Variants in DLGAP2 observed in about 807,000 individuals in gnomAD.
The protein encoded by DLGAP2 is DLG associated protein 2.
Under a neutral mutation model 100.3 loss-of-function variants are expected in DLGAP2, and 26 were observed. The ratio of observed to expected loss-of-function variants is 0.26; its 90% CI spans 0.19 to 0.36. The LOEUF (loss-of-function observed/expected upper bound fraction) is 0.36, where lower values mean the gene tolerates loss of function less well. Among genes scored for constraint, DLGAP2 ranks in the 10% least tolerant of loss-of-function variants. DLGAP2 has a pLI of 1.00. For missense variants in DLGAP2, 1,858 were observed against 1,453.2 expected (o/e 1.28, Z -4.53); for synonymous variants, 886 against 630.1 (o/e 1.41, Z -6.08).
intron 2 of DLGAP2, among the ~76,000 whole-genome samples, chr8:1,048,685 GA>G (rs1182732488): frequency 1.3e-5 from 2 of 151,986 alleles, no homozygotes; most frequent in Non-Finnish European, 2.9e-5. Flanking sequence ...GTTTGAATGA[GA>G]AGAAGATGCC....
chr8:881,503 T>C (rs1797791801), intron 1 of DLGAP2, among the ~76,000 whole-genome samples: 1 of 147,500 alleles, frequency 6.8e-6, no homozygotes, highest in Admixed American at 6.8e-5. Context: ...TCTCTTTTTT[T>C]TTTTTTTTTT....
chr8:1,079,321 A>G (rs1005675026), intron 2 of DLGAP2, among the ~76,000 whole-genome samples: 2 of 152,178 alleles, frequency 1.3e-5, no homozygotes, highest in East Asian at 1.9e-4. Flanking sequence ...GTGTTTTACA[A>G]ATATTTTCTC....
intron 1 of DLGAP2, among the ~76,000 whole-genome samples, chr8:761,039 G>C (rs543434732): frequency 2.0e-5 from 3 of 152,312 alleles, no homozygotes; most frequent in Admixed American, 2.0e-4. Context: ...GTCGGTCCTG[G>C]CTAGCATCGA....
At position 1,551,401 on chromosome 8, in the gene DLGAP2, C is replaced by T. The variant is rs567583206; in HGVS notation, c.1230+1718C>T. Among the ~76,000 whole-genome samples the T allele has an allele frequency of 4.6e-5, 7 of 152,264 alleles. No individual in the cohort carries two copies. In the East Asian group the frequency reaches 1.4e-3, roughly 29 times the overall value. On this transcript the variant is annotated intron_variant, in intron 5 of 14. Coordinates refer to ENST00000637795, the MANE Select transcript of DLGAP2 (RefSeq NM_001346810.2). ...TGAGCACTTCAGGACACTGTCAGAG[C>T]CTCCAGGTTTTGCCCCAGGGTCACC...
At chr8:777,302 C>G (rs1250149011) in intron 1 of DLGAP2, among the ~76,000 whole-genome samples, 1 of 151,062 alleles carries the variant, frequency 6.6e-6, no homozygotes, top group Non-Finnish European at 1.5e-5. Flanking sequence ...GACTCTTTAT[C>G]CAATTTGCCA....
intron 2 of DLGAP2, among the ~76,000 whole-genome samples, chr8:1,074,976 T>C (rs1803559288): frequency 1.4e-5 from 2 of 147,598 alleles, no homozygotes; most frequent in Admixed American, 1.3e-4. Context: ...CAGCAGGGAG[T>C]GGTGACCATG....
chr8:813,126 A>G (rs966836599), intron 1 of DLGAP2, among the ~76,000 whole-genome samples: 2 of 152,218 alleles, frequency 1.3e-5, no homozygotes, highest in African/African-American at 4.8e-5. Context: ...AATCAGTAAT[A>G]TCTTTCAACC....
chr8:1,640,947 C>T (rs566731741), intron 8 of DLGAP2, among the ~76,000 whole-genome samples: 4 of 152,274 alleles, frequency 2.6e-5, no homozygotes, highest in South Asian at 2.1e-4. Flanking sequence ...GGATGAAAGC[C>T]GGTTGGCCCT....
chr8:812,694 G>A (rs1387056015), intron 1 of DLGAP2, among the ~76,000 whole-genome samples: 1 of 152,182 alleles, frequency 6.6e-6, no homozygotes, highest in East Asian at 1.9e-4. Context: ...TTGGTGTGCT[G>A]AGATTTAATC....
rs1020081121 is a variant in DLGAP2, at chr8:1,198,068, C to T, written c.74-60783C>T. Among the ~76,000 whole-genome samples, 4 of 152,092 alleles carry T rather than the reference C, an allele frequency of 2.6e-5. No individual in the cohort carries two copies. In the East Asian group the frequency reaches 7.7e-4, roughly 29 times the overall value. Reference sequence around the variant, plus strand: ...CGTGGATGAGGAACAGAGGCCAATTCTGTGGACTGTTACCTGTGTGGTTCT... The same window carrying T: ...CGTGGATGAGGAACAGAGGCCAATTTTGTGGACTGTTACCTGTGTGGTTCT... On this transcript the variant is annotated intron_variant, in intron 2 of 14. Transcript: ENST00000637795.
chr8:1,284,697 G>A (rs947172560), intron 3 of DLGAP2, among the ~76,000 whole-genome samples: 1 of 152,164 alleles, frequency 6.6e-6, no homozygotes, highest in Non-Finnish European at 1.5e-5. Context: ...TCTCAGCTCA[G>A]TGCAGCCTCA....
intron 3 of DLGAP2, among the ~76,000 whole-genome samples, chr8:1,486,945 G>A (rs767843486): frequency 7.2e-5 from 11 of 152,194 alleles, no homozygotes; most frequent in South Asian, 2.1e-4. Flanking sequence ...GACCAGCCAC[G>A]TGGGGAGGTT....
chr8:1,476,899 C>T (rs181529776), intron 3 of DLGAP2, among the ~76,000 whole-genome samples: 307 of 152,252 alleles, frequency 2.0e-3, no homozygotes, highest in African/African-American at 7.1e-3. Flanking sequence ...GCCCCTTCTG[C>T]AGACCCACCC....
intron 1 of DLGAP2, among the ~76,000 whole-genome samples, chr8:859,206 G>C (rs1797343106): frequency 6.6e-6 from 1 of 151,866 alleles, no homozygotes; most frequent in South Asian, 2.1e-4. Context: ...CCACCTCCTG[G>C]GTTCAAGTGA....
intron 1 of DLGAP2, among the ~76,000 whole-genome samples, chr8:893,446 G>A (rs1798077591): frequency 6.6e-6 from 1 of 152,218 alleles, no homozygotes; most frequent in Non-Finnish European, 1.5e-5. Context: ...CATTCAATTA[G>A]ATTTAATTAG....
At chr8:772,508 A>G (rs1034383772) in intron 1 of DLGAP2, among the ~76,000 whole-genome samples, 3 of 151,944 alleles carry the variant, frequency 2.0e-5, no homozygotes, top group Non-Finnish European at 4.4e-5. Flanking sequence ...TTTTTAGTAG[A>G]GACGGGGTTT....
intron 8 of DLGAP2, among the ~76,000 whole-genome samples, chr8:1,657,530 G>C (rs1218046536): frequency 1.3e-5 from 2 of 152,158 alleles, no homozygotes; most frequent in Admixed American, 6.5e-5. Flanking sequence ...GTGGTCAAAT[G>C]ATCATTTTGA....
chr8:1,181,256 G>T (rs1044677575), intron 2 of DLGAP2, among the ~76,000 whole-genome samples: 2 of 152,004 alleles, frequency 1.3e-5, no homozygotes, highest in Non-Finnish European at 2.9e-5. Context: ...TTACTGTCGA[G>T]TGTGGGTGGC....
At chr8:824,650 G>T (rs893590528) in intron 1 of DLGAP2, among the ~76,000 whole-genome samples, 1 of 151,692 alleles carries the variant, frequency 6.6e-6, no homozygotes, top group African/African-American at 2.4e-5. Flanking sequence ...TGGTGGTTCC[G>T]CCTGTTTGGG....
Sources: allele counts gnomAD v4.1 joint callset (sites outside exome capture counted in the v4.1 genomes callset), GRCh38; gene constraint gnomAD v4.1.1; transcripts MANE v1.5; gene names NCBI Gene and HGNC (gene_info 2026-07-23, HGNC 2026-07-21).